NLRC5: variants seen among roughly 807,000 people sequenced by gnomAD.
NLRC5 encodes NLR family CARD domain containing 5, also known as protein NLRC5.
Under a neutral mutation model 206.9 loss-of-function variants are expected in NLRC5, and 114 were observed. The observed-to-expected ratio is 0.55, with a 90% CI of 0.47 to 0.64. NLRC5 has a LOEUF of 0.64. NLRC5 is among the 30% of genes least tolerant of loss of function. The pLI is 0.00. For missense variants in NLRC5, 2,008 were observed against 2,305.5 expected, an observed-to-expected ratio of 0.87 and a Z score of 2.64; for synonymous variants, 952 against 962.8, an observed-to-expected ratio of 0.99 and a Z score of 0.21.
At position 57,083,041 on chromosome 16, in the gene NLRC5, G is replaced by A. The variant is rs982850459; in HGVS notation, c.*513G>A. ...TTTTTAAAGCAAATACATATTTATA[G>A]ATTGTGTGTATGGAGCAGCTAAGTC... is the stretch of plus-strand genomic sequence containing the variant. On this transcript the variant is annotated 3_prime_UTR_variant, in exon 49 of 49. Transcript: ENST00000688547. 6.6e-6 allele frequency: 1 copy of A among 152,552 alleles called. No homozygotes were observed. Among genetic ancestry groups the A allele is most frequent in the African/African-American group, 2.4e-5 (1 of 41,476 alleles). The allele number at this position is 152,552 out of a possible 1,614,324, so 9.4% of individuals were successfully genotyped here.
intron 23 of NLRC5, among the ~76,000 whole-genome samples, chr16:57,049,640 A>C (rs1319390216): frequency 6.6e-6 from 1 of 152,048 alleles, no homozygotes; most frequent in African/African-American, 2.4e-5. Flanking sequence ...GGAGGCAGGC[A>C]GGAGACTTGC....
intron 13 of NLRC5, chr16:57,034,927 T>A (rs2062347943): frequency 6.6e-6 from 1 of 152,172 alleles, no homozygotes; most frequent in African/African-American, 2.4e-5. Context: ...GTGTTCTGGG[T>A]CGAGTGGCCC....
intron 22 of NLRC5, 122 bp from the exon 23 acceptor site, chr16:57,047,423 G>A (rs563726919): frequency 3.7e-6 from 3 of 806,872 alleles, no homozygotes; most frequent in South Asian, 3.2e-5. Flanking sequence ...GCCCCACAGG[G>A]GAAGGGGCCT....
At chr16:57,045,841 C>T (rs560549658) in intron 21 of NLRC5, among the ~76,000 whole-genome samples, 7 of 152,326 alleles carry the variant, frequency 4.6e-5, no homozygotes, top group South Asian at 2.1e-4. Flanking sequence ...GTAGACCCAC[C>T]GCTCCATACA....
intron 36 of NLRC5, among the ~76,000 whole-genome samples, chr16:57,069,467 A>C (rs74023654): frequency 0.017 from 2,645 of 152,334 alleles, 78 homozygotes; most frequent in African/African-American, 0.06. Context: ...TAAATGTTTA[A>C]AAAGGAAGAA....
At position 57,066,515 on chromosome 16, in the gene NLRC5, GT is replaced by G; in HGVS notation, c.4242-17del. 6.2e-7 allele frequency: 1 copy of G among 1,613,456 alleles called. No individual in the cohort carries two copies. Among genetic ancestry groups the G allele is most frequent in the Non-Finnish European group, 8.5e-7 (1 of 1,179,600 alleles). ...GGGAAGGCTGCCCGACCTCACGTTG[GT>G]TACTGCTCACTCCTCAGCATCTCCG... On this transcript the variant is annotated intron_variant, in intron 33 of 48. Coordinates refer to ENST00000688547, the MANE Select transcript of NLRC5 (RefSeq NM_001384950.1).
intron 36 of NLRC5, among the ~76,000 whole-genome samples, 155 bp downstream of exon 36, chr16:57,067,983 A>C: frequency 6.6e-6 from 1 of 152,220 alleles, no homozygotes; most frequent in Non-Finnish European, 1.5e-5. Flanking sequence ...TTTTAGGGGT[A>C]CCTAGTCGTA....
At chr16:57,042,804 C>T (rs1271568567) in intron 19 of NLRC5, among the ~76,000 whole-genome samples, 1 of 152,192 alleles carries the variant, frequency 6.6e-6, no homozygotes, top group Non-Finnish European at 1.5e-5. Context: ...TGGCTACGAT[C>T]TCTGAAATGA....
intron 30 of NLRC5, 145 bp downstream of exon 30, chr16:57,059,677 A>T: frequency 1.3e-6 from 1 of 741,970 alleles, no homozygotes; most frequent in Non-Finnish European, 2.0e-6. Flanking sequence ...GTTCCTCCAG[A>T]TCTGCCCCCG....
In NLRC5 at chr16:57,026,259, A is replaced by G. The variant is rs770326888; in HGVS notation, c.1316A>G (p.Tyr439Cys). ...CTCCTGCCCAACATGACTCAGCTCT[A>G]TATGCAGATGGTGCTCGCCCTCAGC... Reference protein sequence around the residue: ...VALLPNMTQLYMQMVLALSPP... With the variant: ...VALLPNMTQLCMQMVLALSPP... The change falls in exon 6 of 49, where the codon TAT (tyrosine) becomes TGT (cysteine). Residue 439 changes from tyrosine (Y) to cysteine (C), a missense_variant. By Grantham distance (194) the Tyr-to-Cys change is radical (BLOSUM62 -2). Transcript: ENST00000688547. 2 of 1,613,956 alleles carry G rather than the reference A, an allele frequency of 1.2e-6. No homozygotes were observed. Among genetic ancestry groups the G allele is most frequent in the Non-Finnish European group, 1.7e-6 (2 of 1,180,026 alleles).
rs1313040003 is a variant in NLRC5 at position 57,069,964 on chromosome 16, G to C, written c.4583+45G>C. ...GATTGGGGACAAGTGGCCCAGCTGA[G>C]GGTGAGGGGTGGAGAAGAGAGCAGG... is the stretch of plus-strand genomic sequence containing the variant. On this transcript the variant is annotated intron_variant, in intron 37 of 48. Coordinates refer to ENST00000688547, the MANE Select transcript of NLRC5 (RefSeq NM_001384950.1). 3.3e-6 allele frequency: 5 copies of C among 1,494,744 alleles called. 1 individual carries two copies. In the Admixed American group the frequency reaches 9.8e-5, roughly 29 times the overall value. The allele number at this position is 1,494,744 out of a possible 1,614,324, so 92.6% of individuals were successfully genotyped here.
intron 5 of NLRC5, among the ~76,000 whole-genome samples, chr16:57,024,515 C>T (rs1011931022): frequency 1.3e-5 from 2 of 152,188 alleles, no homozygotes; most frequent in Non-Finnish European, 2.9e-5. Context: ...CAGCCCTTTC[C>T]CTGGGTCACC....
At chr16:57,042,675 A>G (rs1230736483) in intron 19 of NLRC5, among the ~76,000 whole-genome samples, 2 of 152,174 alleles carry the variant, frequency 1.3e-5, no homozygotes, top group African/African-American at 2.4e-5. Context: ...CAGGTCCTAT[A>G]TTCCAGGCTG....
At chr16:57,034,017 C>G in intron 12 of NLRC5, 151 bp from the exon 13 acceptor site, 1 of 634,618 alleles carries the variant, frequency 1.6e-6, no homozygotes, top group Non-Finnish European at 2.8e-6. Context: ...AGGTTAAGTC[C>G]CTTGCTCAAG....
intron 20 of NLRC5, chr16:57,043,891 T>C: frequency 2.5e-6 from 1 of 400,310 alleles, no homozygotes. Flanking sequence ...AGATTTTTTT[T>C]TTTAGGATTT....
chr16:56,999,483 CCTTA>C (rs1228249400), intron 1 of NLRC5, among the ~76,000 whole-genome samples: 1 of 152,238 alleles, frequency 6.6e-6, no homozygotes, highest in African/African-American at 2.4e-5. Context: ...CTGTCCCCTG[CCTTA>C]CTTACCAAAC....
intron 38 of NLRC5, among the ~76,000 whole-genome samples, chr16:57,071,459 TTGG>T (rs1232338018): frequency 1.8e-4 from 19 of 107,980 alleles, no homozygotes; most frequent in Non-Finnish European, 3.4e-4. Context: ...GTGAGTGGTG[TTGG>T]TGGTTAATGG....
In NLRC5 at chr16:57,011,893, C is replaced by T. The variant is rs59977043; in HGVS notation, c.-127-5181C>T. 0.037 allele frequency among the ~76,000 whole-genome samples: 5,609 copies of T among 152,258 alleles called. 644 individuals carry two copies. In the East Asian group the frequency reaches 0.4, roughly 11 times the overall value. ...TCTACTGCATTATTTTTAACAACTT[C>T]ATTGAGGTGTAATTTACATACCGTA... On this transcript the variant is annotated intron_variant, in intron 1 of 48. Transcript: ENST00000688547.
At chr16:57,062,354 A>G (rs766388017) in intron 32 of NLRC5, 3 of 331,452 alleles carry the variant, frequency 9.1e-6, no homozygotes, top group Non-Finnish European at 1.7e-5. Context: ...CCCCCAGATA[A>G]GACAGCTGGC....
Sources: gnomAD v4.1 joint callset for allele counts (sites outside exome capture counted in the v4.1 genomes callset) on GRCh38, gnomAD v4.1.1 for gene constraint, MANE v1.5 for transcripts, NCBI Gene and HGNC (gene_info 2026-07-23, HGNC 2026-07-21) for gene names.